The following THSD4 variants were observed in gnomAD, a reference collection of about 807,000 sequenced individuals.
The protein encoded by THSD4 is thrombospondin type-1 domain-containing protein 4.
In THSD4, 69 loss-of-function variants were observed where a neutral mutation model predicts 119.0. That is an observed-to-expected ratio of 0.58 (90% CI 0.48 to 0.71). The LOEUF (loss-of-function observed/expected upper bound fraction) is 0.71, where lower values mean the gene tolerates loss of function less well. Ranked by LOEUF, THSD4 falls within the 30% of genes least tolerant of loss-of-function variation. THSD4 has a pLI of 0.00. For missense variants in THSD4, 1,393 were observed against 1,391.1 expected (o/e 1.00, Z -0.02); for synonymous variants, 524 against 540.4 (o/e 0.97, Z 0.42).
rs1007543930 is a variant in THSD4 at position 71,333,971 on chromosome 15, T to A, written c.1015+77256T>A. Among the ~76,000 whole-genome samples, 14 of 152,322 alleles carry A rather than the reference T, an allele frequency of 9.2e-5. 1 individual carries two copies. In the Middle Eastern group the frequency reaches 0.014, roughly 148 times the overall value. On this transcript the variant is annotated intron_variant, in intron 6 of 17. Transcript: ENST00000261862. ...TTTCTTTTAAGCCAAATATGTGGAA[T>A]TCAGAGATGAGTAAGACACAACCTC...
chr15:71,212,759 G>A (rs547962378), intron 3 of THSD4, among the ~76,000 whole-genome samples: 63 of 152,316 alleles, frequency 4.1e-4, no homozygotes, highest in Non-Finnish European at 7.4e-4. Flanking sequence ...AGCCTGAGAC[G>A]GAGGACAAGA....
At chr15:71,548,042 A>G (rs968371984) in intron 7 of THSD4, among the ~76,000 whole-genome samples, 2 of 151,952 alleles carry the variant, frequency 1.3e-5, no homozygotes, top group Non-Finnish European at 2.9e-5. Context: ...ACATATTTTA[A>G]GTTCATGAGG....
intron 6 of THSD4, among the ~76,000 whole-genome samples, chr15:71,367,844 T>C (rs879761978): frequency 6.6e-6 from 1 of 152,224 alleles, no homozygotes; most frequent in African/African-American, 2.4e-5. Flanking sequence ...TTTTAGATCC[T>C]TGAGGAATCA....
At chr15:71,558,659 TGG>T (rs1383592665) in intron 7 of THSD4, among the ~76,000 whole-genome samples, 6 of 152,060 alleles carry the variant, frequency 3.9e-5, no homozygotes, top group African/African-American at 1.4e-4. Context: ...TTTGTAGAGA[TGG>T]GGTCTTTCTA....
chr15:71,147,406 C>CA (rs1426364731), intron 2 of THSD4, among the ~76,000 whole-genome samples: 1 of 152,118 alleles, frequency 6.6e-6, no homozygotes, highest in Non-Finnish European at 1.5e-5. Flanking sequence ...GATGTGATCT[C>CA]ACCATCTTGC....
In THSD4 at chr15:71,197,701, C is replaced by T. The variant is rs530655308; in HGVS notation, c.100-17334C>T. On this transcript the variant is annotated intron_variant, in intron 3 of 17. Transcript: ENST00000261862. ...GCTGTGTGGATTGGCCTTTGTTCTCCAAGGGCCACCAAGAAGAAGGTCGCA... is the reference window on the plus strand; with the variant it reads ...GCTGTGTGGATTGGCCTTTGTTCTCTAAGGGCCACCAAGAAGAAGGTCGCA... 3.3e-5 allele frequency among the ~76,000 whole-genome samples: 5 copies of T among 152,236 alleles called. No individual in the cohort carries two copies. In the East Asian group the frequency reaches 9.7e-4, roughly 29 times the overall value.
chr15:71,228,086 T>C (rs2044032697), intron 4 of THSD4, among the ~76,000 whole-genome samples: 1 of 152,084 alleles, frequency 6.6e-6, no homozygotes, highest in South Asian at 2.1e-4. Flanking sequence ...TGCTAACTTA[T>C]TTGGAAAAAG....
At chr15:71,502,934 G>A (rs1007052230) in intron 7 of THSD4, among the ~76,000 whole-genome samples, 18 of 152,148 alleles carry the variant, frequency 1.2e-4, no homozygotes, top group African/African-American at 4.1e-4. Context: ...CATCTTACTC[G>A]GGGAATTTGC....
chr15:71,463,191 A>G (rs980589892), intron 7 of THSD4, among the ~76,000 whole-genome samples: 1 of 152,162 alleles, frequency 6.6e-6, no homozygotes, highest in African/African-American at 2.4e-5. Context: ...CATTGAAGTC[A>G]TTCTGATATT....
intron 6 of THSD4, among the ~76,000 whole-genome samples, chr15:71,365,322 C>T (rs2045947446): frequency 6.6e-6 from 1 of 152,108 alleles, no homozygotes; most frequent in Admixed American, 6.5e-5. Context: ...GGTTGTCAGT[C>T]TCTACCCTTC....
chr15:71,445,725 A>G (rs2140567668), intron 7 of THSD4, among the ~76,000 whole-genome samples: 1 of 152,380 alleles, frequency 6.6e-6, no homozygotes, highest in East Asian at 1.9e-4. Context: ...AGCATTGGTT[A>G]GGACCACTGT....
chr15:71,638,554 T>G (rs1234869049), intron 7 of THSD4, among the ~76,000 whole-genome samples: 3 of 152,212 alleles, frequency 2.0e-5, no homozygotes, highest in Admixed American at 2.0e-4. Context: ...GAGAAAATCT[T>G]TTTAAGCAAA....
intron 7 of THSD4, among the ~76,000 whole-genome samples, chr15:71,440,002 C>A (rs1440393146): frequency 2.0e-5 from 3 of 152,074 alleles, no homozygotes; most frequent in Admixed American, 2.0e-4. Context: ...TACCCCAGAA[C>A]TTAAAGTATA....
chr15:71,339,154 C>T (rs2045528911), intron 6 of THSD4, among the ~76,000 whole-genome samples: 1 of 152,158 alleles, frequency 6.6e-6, no homozygotes, highest in African/African-American at 2.4e-5. Flanking sequence ...TTAAGAACTC[C>T]CTCTGGGTTC....
At chr15:71,765,788 C>CTGTGTG (rs769139108) in intron 16 of THSD4, among the ~76,000 whole-genome samples, 4 of 123,230 alleles carry the variant, frequency 3.2e-5, no homozygotes, top group Non-Finnish European at 3.2e-5. Context: ...CGCACACACT[C>CTGTGTG]TCTGTGTGTG....
chr15:71,266,196 T>C (rs1431614200), intron 6 of THSD4, among the ~76,000 whole-genome samples: 2 of 152,268 alleles, frequency 1.3e-5, no homozygotes, highest in East Asian at 3.9e-4. Context: ...GACAGACACC[T>C]CATACAGGAG....
chr15:71,373,139 A>T (rs994269564), intron 6 of THSD4, among the ~76,000 whole-genome samples: 2 of 152,278 alleles, frequency 1.3e-5, no homozygotes, highest in Non-Finnish European at 2.9e-5. Context: ...TAAATAGTTC[A>T]TAATTTCAGT....
chr15:71,322,498 A>G (rs913380956), intron 6 of THSD4, among the ~76,000 whole-genome samples: 3 of 152,234 alleles, frequency 2.0e-5, no homozygotes, highest in African/African-American at 7.2e-5. Context: ...TTCGTTGTCT[A>G]TGACTGCATA....
intron 7 of THSD4, among the ~76,000 whole-genome samples, chr15:71,447,118 G>A (rs12913998): frequency 6.6e-5 from 5 of 76,070 alleles, no homozygotes; most frequent in Non-Finnish European, 7.7e-5. Flanking sequence ...CATTTTTTTT[G>A]TTTTTTTTTT....
Sources: gnomAD v4.1 joint callset for allele counts (sites outside exome capture counted in the v4.1 genomes callset) on GRCh38, gnomAD v4.1.1 for gene constraint, MANE v1.5 for transcripts, NCBI Gene and HGNC (gene_info 2026-07-23, HGNC 2026-07-21) for gene names.